TEX11: variants seen among roughly 807,000 people sequenced by gnomAD.
TEX11 encodes the protein testis-expressed protein 11.
A neutral mutation model predicts 84.4 loss-of-function variants in TEX11; 7 were observed. The ratio of observed to expected loss-of-function variants is 0.08; its 90% CI spans 0.05 to 0.16. TEX11 has a LOEUF of 0.16. TEX11 is among the 10% of genes least tolerant of loss of function. The probability of loss-of-function intolerance (pLI) is 1.00; values close to 1 mark genes in which losing one functional copy is unlikely to be tolerated. For synonymous variants in TEX11, 264 were observed against 222.8 expected (o/e 1.18, Z -1.64); for missense variants, 551 against 660.5 (o/e 0.83, Z 1.82).
chrX:70,552,337 C>T (rs1484828454), intron 27 of TEX11, 91 bp from the exon 28 acceptor site: 1 of 1,056,937 alleles, frequency 9.5e-7, no homozygotes, highest in African/African-American at 1.9e-5. Context: ...TCATCCCAGA[C>T]TAACAGCTTC....
At chrX:70,530,954 T>C (rs2087880132) in intron 28 of TEX11, among the ~76,000 whole-genome samples, 2 of 110,929 alleles carry the variant, frequency 1.8e-5, no homozygotes, top group South Asian at 7.8e-4. Flanking sequence ...AGCACTAGGA[T>C]ATTCCAGTCA....
At chrX:70,782,020 A>C (rs779311598) in intron 9 of TEX11, among the ~76,000 whole-genome samples, 6 of 111,583 alleles carry the variant, frequency 5.4e-5, no homozygotes, top group Non-Finnish European at 1.1e-4. Context: ...TAATTGTCAG[A>C]TTCACCAAGG....
chrX:70,761,357 A>C (rs2090907858), intron 9 of TEX11, among the ~76,000 whole-genome samples: 1 of 112,072 alleles, frequency 8.9e-6, no homozygotes. Flanking sequence ...CTTGGAACCA[A>C]CCCAAATGTC....
At chrX:70,832,145 T>A (rs1189599459) in intron 8 of TEX11, among the ~76,000 whole-genome samples, 1 of 111,451 alleles carries the variant, frequency 9.0e-6, no homozygotes, top group Non-Finnish European at 1.9e-5. Context: ...TCTTCTGTGG[T>A]TTTCTGGCCT....
At chrX:70,618,441 A>T (rs754259515) in intron 20 of TEX11, among the ~76,000 whole-genome samples, 2 of 111,316 alleles carry the variant, frequency 1.8e-5, no homozygotes, top group South Asian at 7.8e-4. Context: ...AATGAGTTGA[A>T]CCTAGACATA....
chrX:70,809,370 T>C (rs2091238561), intron 8 of TEX11, among the ~76,000 whole-genome samples: 1 of 112,012 alleles, frequency 8.9e-6, no homozygotes, highest in Non-Finnish European at 1.9e-5. Flanking sequence ...ATAGTATTCA[T>C]ATAAACACTG....
intron 1 of TEX11, among the ~76,000 whole-genome samples, 169 bp downstream of exon 1, chrX:70,908,485 C>T (rs1458956880): frequency 4.4e-5 from 5 of 112,539 alleles, no homozygotes; most frequent in Non-Finnish European, 5.6e-5. Flanking sequence ...TGCCCATCTT[C>T]GTTCGCCTTG....
At chrX:70,671,412 CT>C (rs1420096597) in intron 15 of TEX11, among the ~76,000 whole-genome samples, 1 of 111,130 alleles carries the variant, frequency 9.0e-6, no homozygotes, top group African/African-American at 3.3e-5. Context: ...AAAACACTGC[CT>C]TTGACTATTA....
intron 25 of TEX11, among the ~76,000 whole-genome samples, chrX:70,570,286 C>T (rs2088573593): frequency 8.9e-6 from 1 of 111,882 alleles, no homozygotes; most frequent in African/African-American, 3.2e-5. Flanking sequence ...TGGGAGTGAC[C>T]CGATTTTCCA....
intron 28 of TEX11, among the ~76,000 whole-genome samples, chrX:70,547,987 C>CAT (rs1461846859): frequency 8.9e-6 from 1 of 111,858 alleles, no homozygotes; most frequent in Non-Finnish European, 1.9e-5. Context: ...TATTGCAGCG[C>CAT]TGTTCACAAT....
intron 3 of TEX11, among the ~76,000 whole-genome samples, chrX:70,878,296 C>T (rs1179480550): frequency 1.0e-4 from 11 of 108,898 alleles, no homozygotes; most frequent in Non-Finnish European, 2.1e-4. Flanking sequence ...CCTCAGCCTC[C>T]CAAGTAGCTG....
chrX:70,842,744 G>T (rs2091454364), intron 7 of TEX11, among the ~76,000 whole-genome samples: 1 of 111,665 alleles, frequency 9.0e-6, no homozygotes. Flanking sequence ...CATCATCTCA[G>T]CCCAAAATCT....
At chrX:70,714,305 G>T (rs1372567745) in intron 13 of TEX11, among the ~76,000 whole-genome samples, 1 of 111,297 alleles carries the variant, frequency 9.0e-6, no homozygotes, top group Non-Finnish European at 1.9e-5. Flanking sequence ...ATGTCTATTA[G>T]GTCTGCTTGG....
intron 20 of TEX11, among the ~76,000 whole-genome samples, chrX:70,619,816 CT>C (rs550244042): frequency 0.035 from 3,466 of 100,203 alleles, 53 homozygotes; most frequent in Admixed American, 0.044. Context: ...GTGCCAGTAT[CT>C]TTTTTTTTTT....
In TEX11 at chrX:70,905,024, C is replaced by T. The variant is rs765281394; in HGVS notation, c.37+2729G>A. Among the ~76,000 whole-genome samples the T allele has an allele frequency of 9.8e-5, 11 of 112,033 alleles. No individual in the cohort carries two copies. The South Asian group carries it at 2.2e-3, about 23-fold the overall frequency. The stretch of plus-strand genomic sequence containing the variant: ...AGTAGCTCAAGAAATAAATCAAGGC[C>T]GGGTGCAGTGGCTCAAGGCCAGGAG... On this transcript the variant is annotated intron_variant, in intron 2 of 29. Transcript: ENST00000374333.
At chrX:70,696,153 C>T in intron 13 of TEX11, among the ~76,000 whole-genome samples, 1 of 111,634 alleles carries the variant, frequency 9.0e-6, no homozygotes, top group Non-Finnish European at 1.9e-5. Flanking sequence ...ACTCCAATAT[C>T]TATCTGGTTG....
At chrX:70,539,094 G>A (rs1362920248) in intron 28 of TEX11, among the ~76,000 whole-genome samples, 2 of 95,603 alleles carry the variant, frequency 2.1e-5, no homozygotes, top group African/African-American at 7.7e-5. Context: ...GAGTGCAGTG[G>A]TGTGATCTTG....
chrX:70,539,111 T>G (rs2088005713), intron 28 of TEX11, among the ~76,000 whole-genome samples: 1 of 100,177 alleles, frequency 1.0e-5, no homozygotes, highest in African/African-American at 3.6e-5. Flanking sequence ...CTTGGCTCAT[T>G]GCAATCTCCG....
chrX:70,812,613 A>C (rs1037101534), intron 8 of TEX11, among the ~76,000 whole-genome samples: 3 of 111,140 alleles, frequency 2.7e-5, no homozygotes, highest in Non-Finnish European at 5.7e-5. Context: ...GAACCGAAGG[A>C]GATAGAGACA....
Sources: gnomAD v4.1 joint callset for allele counts (sites outside exome capture counted in the v4.1 genomes callset) on GRCh38, gnomAD v4.1.1 for gene constraint, MANE v1.5 for transcripts, NCBI Gene and HGNC (gene_info 2026-07-23, HGNC 2026-07-21) for gene names.